TBL1X: variants seen among roughly 807,000 people sequenced by gnomAD.
The protein encoded by TBL1X is F-box-like/WD repeat-containing protein TBL1X.
Under a neutral mutation model 50.7 loss-of-function variants are expected in TBL1X, and 10 were observed. The observed-to-expected ratio is 0.20, with a 90% confidence interval of 0.12 to 0.33. The LOEUF (loss-of-function observed/expected upper bound fraction) is 0.33. Among genes scored for constraint, TBL1X ranks in the 10% least tolerant of loss-of-function variants. TBL1X has a pLI of 1.00. For synonymous variants in TBL1X, 190 were observed against 214.7 expected (o/e 0.88, Z 1.01); for missense variants, 340 against 504.4 (o/e 0.67, Z 3.12).
At chrX:9,704,721 CAA>C (rs35199289) in intron 12 of TBL1X, among the ~76,000 whole-genome samples, 1,003 of 96,249 alleles carry the variant, frequency 0.01, 6 homozygotes, top group African/African-American at 0.014. Flanking sequence ...CTCGTCTCTG[CAA>C]AAAAAAAAAA....
chrX:9,629,933 C>G (rs903147870), intron 2 of TBL1X, among the ~76,000 whole-genome samples: 4 of 111,166 alleles, frequency 3.6e-5, no homozygotes, highest in Non-Finnish European at 7.5e-5. Context: ...CAGTCCCGCT[C>G]TTTCCTGCAT....
rs370979015 is a variant in TBL1X at position 9,699,191 on chromosome X, G to C, written c.1114+1762G>C. 1.2e-3 allele frequency among the ~76,000 whole-genome samples: 133 copies of C among 111,358 alleles called. 1 individual carries two copies. Among genetic ancestry groups the C allele is most frequent in the South Asian group, 5.7e-3 (15 of 2,609 alleles). On this transcript the variant is annotated intron_variant, in intron 12 of 17. Transcript: ENST00000645353. ...AAACGGGGTTTCGCCATGTTGGCCA[G>C]GCTGGTCTCAAACTCCTGACCTCAA...
At chrX:9,694,753 C>A (rs1269294477) in intron 11 of TBL1X, among the ~76,000 whole-genome samples, 2 of 110,861 alleles carry the variant, frequency 1.8e-5, no homozygotes, top group Non-Finnish European at 3.8e-5. Context: ...GCAGGCAGAT[C>A]ACCTGAGGTC....
At chrX:9,646,115 G>A (rs1258521421) in intron 3 of TBL1X, among the ~76,000 whole-genome samples, 1 of 112,502 alleles carries the variant, frequency 8.9e-6, no homozygotes, top group Non-Finnish European at 1.9e-5. Flanking sequence ...CGATCGTATC[G>A]TGCACATAGC....
intron 1 of TBL1X, among the ~76,000 whole-genome samples, chrX:9,491,334 A>ATTTT (rs1403355557): frequency 1.5e-3 from 35 of 23,373 alleles, no homozygotes; most frequent in African/African-American, 6.1e-3. Flanking sequence ...ATATATATAT[A>ATTTT]TATATTTTTT....
intron 2 of TBL1X, among the ~76,000 whole-genome samples, chrX:9,543,061 C>T (rs900690965): frequency 3.6e-5 from 4 of 112,309 alleles, no homozygotes; most frequent in Non-Finnish European, 5.6e-5. Context: ...GCAGGGTGGG[C>T]GTTACCATCC....
intron 2 of TBL1X, among the ~76,000 whole-genome samples, chrX:9,548,386 C>G (rs2082255506): frequency 8.9e-6 from 1 of 111,937 alleles, no homozygotes; most frequent in Non-Finnish European, 1.9e-5. Context: ...TTTGCCTTAT[C>G]TTTTTTGTGT....
intron 3 of TBL1X, chrX:9,645,266 T>G (rs890373122): frequency 1.8e-5 from 2 of 111,791 alleles, no homozygotes; most frequent in Non-Finnish European, 3.8e-5. Flanking sequence ...AGCTAATTTT[T>G]GTATTTTTTG....
rs1232063997 is a variant in TBL1X, at chrX:9,665,382, T to C, written c.211+11060T>C. Among the ~76,000 whole-genome samples the C allele has an allele frequency of 1.1e-4, 11 of 98,033 alleles. No homozygotes were observed. In the East Asian group the frequency reaches 3.1e-3, roughly 27 times the overall value. 85.1% of individuals were successfully genotyped at this position (98,033 alleles called of 115,157 possible). ...ATTGTAACGGAAGAAATTATGACAG[T>C]GAGAGAAATCTGACATGGCTGACTC... On this transcript the variant is annotated intron_variant, in intron 5 of 17. Transcript: ENST00000645353.
At chrX:9,655,203 G>A (rs778881812) in intron 5 of TBL1X, among the ~76,000 whole-genome samples, 11 of 111,050 alleles carry the variant, frequency 9.9e-5, no homozygotes, top group Non-Finnish European at 1.5e-4. Context: ...GCAAACTGGG[G>A]TGGCTTAAAA....
chrX:9,691,587 G>A lies in TBL1X; in HGVS notation c.625G>A (p.Ala209Thr), dbSNP rs1035620161. The A allele has an allele frequency of 1.2e-5, 14 of 1,210,440 alleles. No individual in the cohort carries two copies. The highest frequency in any genetic ancestry group is 1.5e-5 in the Non-Finnish European group (13 of 894,926). Reference sequence around the variant, plus strand: ...TGTGTTTGCTGTGACAGATAATCACGCGAAGCCAATGGAAATAGATGGAGA... The same window carrying A: ...TGTGTTTGCTGTGACAGATAATCACACGAAGCCAATGGAAATAGATGGAGA... ...ENRAHSVNNH[A>T]KPMEIDGEVE... The change falls in exon 8 of 18, where the codon GCG becomes ACG. Residue 209 changes from alanine (A) to threonine (T), a missense_variant. Physicochemically the swap from Ala to Thr is moderately conservative, Grantham distance 58. Coordinates refer to ENST00000645353, the MANE Select transcript of TBL1X (RefSeq NM_005647.4).
intron 2 of TBL1X, among the ~76,000 whole-genome samples, chrX:9,580,973 G>T (rs2082438262): frequency 8.9e-6 from 1 of 111,862 alleles, no homozygotes; most frequent in East Asian, 2.8e-4. Context: ...CCACTTCCCG[G>T]CAGTCATGGC....
At chrX:9,682,747 C>T (rs1199086814) in intron 5 of TBL1X, among the ~76,000 whole-genome samples, 1 of 112,333 alleles carries the variant, frequency 8.9e-6, no homozygotes, top group Non-Finnish European at 1.9e-5. Flanking sequence ...AGAGGAGCAC[C>T]TGTCCAGCAA....
At chrX:9,604,004 A>T (rs892977830) in intron 2 of TBL1X, among the ~76,000 whole-genome samples, 3 of 111,191 alleles carry the variant, frequency 2.7e-5, no homozygotes, top group Non-Finnish European at 3.8e-5. Flanking sequence ...ACTTTAACTA[A>T]CTATCTGCAA....
intron 2 of TBL1X, among the ~76,000 whole-genome samples, chrX:9,518,769 T>C (rs1406093289): frequency 9.0e-6 from 1 of 110,804 alleles, no homozygotes; most frequent in Non-Finnish European, 1.9e-5. Flanking sequence ...TGACAATCTT[T>C]TGGGAATTGG....
intron 2 of TBL1X, among the ~76,000 whole-genome samples, chrX:9,620,093 A>G (rs1359499278): frequency 1.8e-5 from 2 of 112,197 alleles, no homozygotes; most frequent in Non-Finnish European, 3.8e-5. Flanking sequence ...TCCCACAGCA[A>G]GCCCATCTGC....
intron 2 of TBL1X, among the ~76,000 whole-genome samples, chrX:9,577,273 G>A (rs1017488091): frequency 1.8e-5 from 2 of 111,656 alleles, no homozygotes; most frequent in African/African-American, 6.5e-5. Flanking sequence ...CTGAGAAACT[G>A]AATTGTGAAT....
intron 11 of TBL1X, among the ~76,000 whole-genome samples, chrX:9,696,991 A>G (rs2083135575): frequency 8.9e-6 from 1 of 112,406 alleles, no homozygotes; most frequent in Non-Finnish European, 1.9e-5. Context: ...AGATGCCAGC[A>G]TATGTGGCTG....
At chrX:9,505,244 T>C (rs2082020149) in intron 2 of TBL1X, among the ~76,000 whole-genome samples, 1 of 111,830 alleles carries the variant, frequency 8.9e-6, no homozygotes, top group African/African-American at 3.3e-5. Context: ...GACAAGCAAA[T>C]GCTGAGGGAT....
Sources: gnomAD v4.1 joint callset for allele counts (sites outside exome capture counted in the v4.1 genomes callset) on GRCh38, gnomAD v4.1.1 for gene constraint, MANE v1.5 for transcripts, NCBI Gene and HGNC (gene_info 2026-07-23, HGNC 2026-07-21) for gene names.